Variants in KIAA0930 observed in about 807,000 individuals in gnomAD.
KIAA0930 encodes KIAA0930, also known as uncharacterized protein KIAA0930.
A neutral mutation model predicts 43.9 loss-of-function variants in KIAA0930; 24 were observed. The ratio of observed to expected loss-of-function variants is 0.55; its 90% CI spans 0.40 to 0.77. The LOEUF (loss-of-function observed/expected upper bound fraction) is 0.77. Ranked by LOEUF, KIAA0930 falls within the 30% of genes least tolerant of loss-of-function variation. The pLI is 0.00. For synonymous variants in KIAA0930, 259 were observed against 216.4 expected (o/e 1.20, Z -1.73); for missense variants, 461 against 574.2 (o/e 0.80, Z 2.02).
Position 45,203,182 on chromosome 22 carries a change from C to T in KIAA0930, c.660G>A (p.Val220=), listed in dbSNP as rs1193358414. Residue 220 remains valine (V), a splice_region_variant and synonymous_variant, in exon 7 of 10, where the codon GTG becomes GTA. Transcript: ENST00000336156. ...TCTGTGCCATGCGGGCGGCCACGCT[C>T]ACCTGGGGGCCGGCGCGGGGCAGCC... The part of the protein sequence containing the change: ...EALKKVYDNR[V]SVAARMAQKM... 1.3e-6 allele frequency: 2 copies of T among 1,597,948 alleles called. No homozygotes were observed. The highest frequency in any genetic ancestry group is 8.5e-7 in the Non-Finnish European group (1 of 1,170,546).
In KIAA0930 at chr22:45,197,906, G is replaced by T; in HGVS notation, c.1058C>A (p.Ser353Ter). The T allele has an allele frequency of 6.2e-7, 1 of 1,614,180 alleles. No individual in the cohort carries two copies. Among genetic ancestry groups the T allele is most frequent in the Non-Finnish European group, 8.5e-7 (1 of 1,180,012 alleles). ...CCCGACCAGGGACCGTCCTGTGCCCGACAGGGACCGAGACCGCAGGTTGGT... is the reference window on the plus strand; with the variant it reads ...CCCGACCAGGGACCGTCCTGTGCCCTACAGGGACCGAGACCGCAGGTTGGT... ...NATNLRSRSL[S>*]GTGRSLVGSW... The change falls in exon 9 of 10, where the codon TCG becomes TAG. Residue 353 changes from serine (S) to a stop codon, truncating the protein, a stop_gained. Transcript: ENST00000336156. LOFTEE classifies it high-confidence loss of function.
intron 1 of KIAA0930, among the ~76,000 whole-genome samples, chr22:45,214,964 T>C (rs931259666): frequency 2.0e-5 from 3 of 151,602 alleles, no homozygotes; most frequent in African/African-American, 7.3e-5. Flanking sequence ...ACACCTGTAA[T>C]TCCAGCACTT....
intron 1 of KIAA0930, among the ~76,000 whole-genome samples, chr22:45,227,389 G>A (rs1306193550): frequency 6.6e-6 from 1 of 152,132 alleles, no homozygotes; most frequent in Non-Finnish European, 1.5e-5. Context: ...CCAGGGGGCT[G>A]GGCTCTGCCT....
intron 1 of KIAA0930, among the ~76,000 whole-genome samples, chr22:45,218,921 G>A (rs971105611): frequency 6.6e-6 from 1 of 152,144 alleles, no homozygotes; most frequent in African/African-American, 2.4e-5. Context: ...AAGAACCCGT[G>A]AAAGAACTTC....
At chr22:45,227,600 C>G (rs377299942) in intron 1 of KIAA0930, among the ~76,000 whole-genome samples, 12 of 152,290 alleles carry the variant, frequency 7.9e-5, no homozygotes, top group African/African-American at 2.9e-4. Flanking sequence ...CCAACAGGGA[C>G]AACACCCCTC....
intron 1 of KIAA0930, among the ~76,000 whole-genome samples, chr22:45,240,318 G>A (rs1465346769): frequency 6.6e-6 from 1 of 152,268 alleles, no homozygotes; most frequent in East Asian, 1.9e-4. Context: ...GCTTCCTGGA[G>A]AAGGAAGAAG....
intron 1 of KIAA0930, among the ~76,000 whole-genome samples, chr22:45,219,580 TTG>T (rs1491119866): frequency 1.2e-4 from 16 of 130,670 alleles, no homozygotes; most frequent in Non-Finnish European, 1.5e-4. Context: ...CAAGAGGTGA[TTG>T]TTTTTTTTTT....
chr22:45,229,362 A>ACCAC (rs1601825913), intron 1 of KIAA0930, among the ~76,000 whole-genome samples: 1 of 86,924 alleles, frequency 1.2e-5, no homozygotes, highest in Non-Finnish European at 2.5e-5. Context: ...CCACTCCCCC[A>ACCAC]TCACCAAACG....
At position 45,205,688 on chromosome 22, in the gene KIAA0930, C is replaced by G. The variant is rs1601812125; in HGVS notation, c.356G>C (p.Cys119Ser). The G allele has an allele frequency of 6.2e-7, 1 of 1,614,152 alleles. No homozygotes were observed. The highest frequency in any genetic ancestry group is 2.2e-5 in the East Asian group (1 of 44,878). ...GCCGTCAGCACGTGTGCACACCGCA[C>G]AGGTCACCATGTAGTCCAGCTGGAA... Reference protein sequence around the residue: ...ILQKLDYMVTCAVCTRADGGD... With the variant: ...ILQKLDYMVTSAVCTRADGGD... Residue 119 changes from cysteine to serine, a missense_variant, in exon 4 of 10, where the codon TGT becomes TCT. Coordinates refer to ENST00000336156, the MANE Select transcript of KIAA0930 (RefSeq NM_001009880.2).
intron 1 of KIAA0930, among the ~76,000 whole-genome samples, chr22:45,235,637 C>A (rs34980158): frequency 5.3e-5 from 8 of 152,050 alleles, no homozygotes; most frequent in African/African-American, 1.9e-4. Flanking sequence ...GCAGGCACTG[C>A]GCCAGGTGCT....
In KIAA0930 at chr22:45,235,819, G is replaced by A. The variant is rs1029737175; in HGVS notation, c.64+4821C>T. Among the ~76,000 whole-genome samples, 15 of 152,352 alleles carry A rather than the reference G, an allele frequency of 9.8e-5. 1 individual carries two copies. Among genetic ancestry groups the A allele is most frequent in the Admixed American group, 8.5e-4 (13 of 15,308 alleles). On this transcript the variant is annotated intron_variant, in intron 1 of 9. Transcript: ENST00000336156. ...TCTACAGATGAGGACACTGAGGCCC[G>A]AGGGCTGGAGTGCTTAGCCAGGGCT...
Position 45,196,787 on chromosome 22 carries a change from C to A in KIAA0930, c.*389G>T, listed in dbSNP as rs1233022622. The A allele has an allele frequency of 4.6e-6, 1 of 216,492 alleles. No individual in the cohort carries two copies. Among genetic ancestry groups the A allele is most frequent in the South Asian group, 1.1e-4 (1 of 8,910 alleles). The allele number at this position is 216,492 out of a possible 1,614,324, so 13.4% of individuals were successfully genotyped here. A position where few individuals can be genotyped will look rare whatever the true frequency, so the allele number is the denominator to read the frequency against. On this transcript the variant is annotated 3_prime_UTR_variant, in exon 10 of 10. Transcript: ENST00000336156. This position sits in a 1 kb window ranked among gnomAD's most constrained non-coding sequence, Gnocchi z 4.1. ...CAGTCCAATGCACTGAGTGCCCTGG[C>A]TGGGTGGTTCCGCCTGCTGCTGGGG... is the stretch of plus-strand genomic sequence containing the variant.
At chr22:45,233,686 G>A (rs2083868571) in intron 1 of KIAA0930, among the ~76,000 whole-genome samples, 1 of 152,172 alleles carries the variant, frequency 6.6e-6, no homozygotes, top group South Asian at 2.1e-4. Flanking sequence ...GCCGGGTTTG[G>A]GTGATAGGCA....
At chr22:45,225,655 T>G (rs2083794604) in intron 1 of KIAA0930, among the ~76,000 whole-genome samples, 1 of 152,126 alleles carries the variant, frequency 6.6e-6, no homozygotes, top group African/African-American at 2.4e-5. Context: ...ACTTGGCCTG[T>G]GCAGGTCAGC....
chr22:45,197,041 G>T lies in KIAA0930; in HGVS notation c.*135C>A. On this transcript the variant is annotated 3_prime_UTR_variant, in exon 10 of 10. Coordinates refer to ENST00000336156, the MANE Select transcript of KIAA0930 (RefSeq NM_001009880.2). ...CGTGGAGTCGGCCCCGGCCCCGGGA[G>T]TCGAGTGGCCTCGCCTGGCTGCGGC... The T allele has an allele frequency of 1.4e-6, 1 of 718,210 alleles. No homozygotes were observed. The highest frequency in any genetic ancestry group is 2.1e-5 in the South Asian group (1 of 48,336). 44.5% of individuals were successfully genotyped at this position (718,210 alleles called of 1,614,324 possible). A position where few individuals can be genotyped will look rare whatever the true frequency, so the allele number is the denominator to read the frequency against.
chr22:45,200,123 A>C, intron 7 of KIAA0930, 88 bp from the exon 8 acceptor site: 3 of 1,299,372 alleles, frequency 2.3e-6, no homozygotes, highest in Non-Finnish European at 3.1e-6. Context: ...CCCTCAAACA[A>C]CCTGACACAG....
chr22:45,197,738 C>T, intron 9 of KIAA0930, 52 bp downstream of exon 9: 2 of 1,598,588 alleles, frequency 1.3e-6, no homozygotes, highest in South Asian at 2.2e-5. Flanking sequence ...GCCCTGGAGG[C>T]AGAGCTGGCT....
intron 5 of KIAA0930, among the ~76,000 whole-genome samples, chr22:45,204,432 G>A (rs552975889): frequency 5.5e-4 from 84 of 152,246 alleles, no homozygotes; most frequent in African/African-American, 1.9e-3. Context: ...CCACCTTCCC[G>A]AGTCATTGCT....
intron 1 of KIAA0930, among the ~76,000 whole-genome samples, chr22:45,213,162 C>T (rs2083709196): frequency 6.6e-6 from 1 of 152,140 alleles, no homozygotes; most frequent in Non-Finnish European, 1.5e-5. Context: ...AGGACTCGGC[C>T]ACTAGCTGAG....
Sources: allele counts gnomAD v4.1 joint callset (sites outside exome capture counted in the v4.1 genomes callset), GRCh38; gene constraint gnomAD v4.1.1; non-coding constraint Gnocchi (gnomAD v3.1); transcripts MANE v1.5; gene names NCBI Gene and HGNC (gene_info 2026-07-23, HGNC 2026-07-21).